Variants in TBC1D32 observed in about 807,000 individuals in gnomAD.
TBC1D32 encodes the protein TBC1 domain family member 32, also known as protein broad-minded.
Under a neutral mutation model 170.3 loss-of-function variants are expected in TBC1D32, and 151 were observed. That is an observed-to-expected ratio of 0.89 (90% CI 0.78 to 1.01). The LOEUF (loss-of-function observed/expected upper bound fraction) is 1.01, where lower values mean the gene tolerates loss of function less well. TBC1D32 is among the 50% of genes least tolerant of loss of function. The pLI, the probability that TBC1D32 is intolerant of heterozygous loss-of-function variation, is 0.00. For missense variants in TBC1D32, 1,464 were observed against 1,457.1 expected, an observed-to-expected ratio of 1.00 and a Z score of -0.08; for synonymous variants, 498 against 488.0, an observed-to-expected ratio of 1.02 and a Z score of -0.27.
chr6:121,215,649 A>T (rs1461430890), intron 21 of TBC1D32, among the ~76,000 whole-genome samples: 2 of 83,652 alleles, frequency 2.4e-5, no homozygotes, highest in Non-Finnish European at 5.3e-5. Flanking sequence ...AGAAACTTAA[A>T]GAAATTTGCA....
chr6:121,332,620 G>A (rs1811358928), intron 1 of TBC1D32, among the ~76,000 whole-genome samples: 1 of 152,074 alleles, frequency 6.6e-6, no homozygotes. Context: ...ACAACTCCAT[G>A]TAAAATAAAA....
chr6:121,240,827 A>G (rs1796884744), intron 19 of TBC1D32, among the ~76,000 whole-genome samples: 1 of 146,522 alleles, frequency 6.8e-6, no homozygotes, highest in Non-Finnish European at 1.5e-5. Context: ...GTGAGCTGAG[A>G]CTATGCCATT....
chr6:121,159,604 T>C (rs535728385), intron 24 of TBC1D32, among the ~76,000 whole-genome samples: 3 of 152,244 alleles, frequency 2.0e-5, no homozygotes, highest in South Asian at 2.1e-4. Flanking sequence ...CTAGAGGGTA[T>C]AGTCTAACTC....
At chr6:121,324,830 CT>C (rs1175983677) in intron 1 of TBC1D32, among the ~76,000 whole-genome samples, 3 of 152,080 alleles carry the variant, frequency 2.0e-5, no homozygotes, top group African/African-American at 7.2e-5. Context: ...TAAATATGTC[CT>C]CAATTTTGTA....
intron 21 of TBC1D32, among the ~76,000 whole-genome samples, chr6:121,213,515 A>AAT: frequency 3.9e-5 from 1 of 25,882 alleles, no homozygotes; most frequent in East Asian, 6.7e-3. Flanking sequence ...AAAATAAAAT[A>AAT]AAATAAAATA....
chr6:121,239,340 A>G, intron 19 of TBC1D32, 152 bp from the exon 20 acceptor site: 1 of 449,562 alleles, frequency 2.2e-6, no homozygotes, highest in Non-Finnish European at 4.0e-6. Context: ...TCTTGGTAGA[A>G]ATTATATCTG....
At chr6:121,247,695 CAAAAAAAA>C (rs34914027) in intron 17 of TBC1D32, among the ~76,000 whole-genome samples, 11 of 46,570 alleles carry the variant, frequency 2.4e-4, no homozygotes, top group Non-Finnish European at 3.2e-4. Context: ...GGCTTTAAAG[CAAAAAAAA>C]AAAAAAAAAA....
At chr6:121,328,829 C>A (rs1172267309) in intron 1 of TBC1D32, among the ~76,000 whole-genome samples, 2 of 152,144 alleles carry the variant, frequency 1.3e-5, no homozygotes, top group Non-Finnish European at 1.5e-5. Flanking sequence ...ACATTTTTCT[C>A]ACCAAATATA....
chr6:121,134,170 C>T (rs1454739584), intron 24 of TBC1D32, among the ~76,000 whole-genome samples: 1 of 152,022 alleles, frequency 6.6e-6, no homozygotes, highest in African/African-American at 2.4e-5. Context: ...AAAGATAATG[C>T]AGTTTTTTCA....
At chr6:121,255,933 TA>T in intron 16 of TBC1D32, 150 bp downstream of exon 16, 1 of 678,030 alleles carries the variant, frequency 1.5e-6, no homozygotes, top group South Asian at 2.1e-5. Flanking sequence ...TGTGCCAAAT[TA>T]AGATGCATTA....
chr6:121,304,506 T>C lies in TBC1D32; in HGVS notation c.873+16A>G, dbSNP rs1583661009. 3.1e-6 allele frequency: 5 copies of C among 1,601,242 alleles called. No homozygotes were observed. The East Asian group carries it at 1.1e-4, about 36-fold the overall frequency. ...TAAATAAATAAAAATGAAAGCATATTGTAGTAAATGGATACCTTTTTAAGT... is the reference window on the plus strand; with the variant it reads ...TAAATAAATAAAAATGAAAGCATATCGTAGTAAATGGATACCTTTTTAAGT... On this transcript the variant is annotated intron_variant, in intron 7 of 31. Coordinates refer to ENST00000398212, the MANE Select transcript of TBC1D32 (RefSeq NM_152730.6).
intron 22 of TBC1D32, among the ~76,000 whole-genome samples, chr6:121,176,467 T>C (rs1787773437): frequency 6.6e-6 from 1 of 152,146 alleles, no homozygotes; most frequent in Admixed American, 6.5e-5. Context: ...AAATCCAAAA[T>C]GTTTTGAGCA....
chr6:121,269,568 G>A (rs533821445), intron 15 of TBC1D32, among the ~76,000 whole-genome samples: 7 of 152,134 alleles, frequency 4.6e-5, no homozygotes, highest in East Asian at 1.9e-4. Context: ...CTAACTATCC[G>A]AAACATATAT....
chr6:121,121,762 T>G (rs1320493306), intron 26 of TBC1D32, among the ~76,000 whole-genome samples: 1 of 151,984 alleles, frequency 6.6e-6, no homozygotes, highest in East Asian at 1.9e-4. Context: ...ATTGACGTTA[T>G]TGTTCTAGGT....
rs189343427 is a variant in TBC1D32 at position 121,079,672 on chromosome 6, A to G, written c.*1099T>C. The G allele has an allele frequency of 6.6e-6, 1 of 152,308 alleles. No individual in the cohort carries two copies. Among genetic ancestry groups the G allele is most frequent in the Admixed American group, 6.5e-5 (1 of 15,310 alleles). The allele number at this position is 152,308 out of a possible 1,614,324, so 9.4% of individuals were successfully genotyped here. On this transcript the variant is annotated 3_prime_UTR_variant, in exon 32 of 32. Transcript: ENST00000398212. The stretch of plus-strand genomic sequence containing the variant: ...GTGAGTTAAGATATAAAAAATAGAC[A>G]TTCACATATTGTATTAATCTTACCG...
At chr6:121,296,903 G>A (rs1188275029) in intron 10 of TBC1D32, among the ~76,000 whole-genome samples, 1 of 151,942 alleles carries the variant, frequency 6.6e-6, no homozygotes, top group East Asian at 1.9e-4. Flanking sequence ...TCAAAACACT[G>A]TCTCCAAAAT....
chr6:121,204,982 T>C (rs971946015), intron 22 of TBC1D32, 93 bp downstream of exon 22: 11 of 669,084 alleles, frequency 1.6e-5, no homozygotes, highest in Admixed American at 6.7e-5. Flanking sequence ...AAATATTAGC[T>C]AATTTTAAAT....
At chr6:121,273,613 G>C (rs923319459) in intron 15 of TBC1D32, among the ~76,000 whole-genome samples, 14 of 149,540 alleles carry the variant, frequency 9.4e-5, no homozygotes, top group African/African-American at 3.5e-4. Flanking sequence ...TTGTGCACAT[G>C]TACCCTAGAA....
At chr6:121,260,647 A>G (rs1799638755) in intron 15 of TBC1D32, among the ~76,000 whole-genome samples, 1 of 151,448 alleles carries the variant, frequency 6.6e-6, no homozygotes, top group African/African-American at 2.4e-5. Flanking sequence ...TGTGCTGCCC[A>G]TGGTTCAGAA....
Sources: allele counts gnomAD v4.1 joint callset (sites outside exome capture counted in the v4.1 genomes callset), GRCh38; gene constraint gnomAD v4.1.1; transcripts MANE v1.5; gene names NCBI Gene and HGNC (gene_info 2026-07-23, HGNC 2026-07-21).